SLIT3: variants seen among roughly 807,000 people sequenced by gnomAD.
The protein encoded by SLIT3 is slit homolog 3 protein.
A neutral mutation model predicts 184.0 loss-of-function variants in SLIT3; 68 were observed. The observed-to-expected ratio is 0.37, with a 90% CI of 0.30 to 0.45. SLIT3 has a LOEUF of 0.45. Among genes scored for constraint, SLIT3 ranks in the 20% least tolerant of loss-of-function variants. The pLI, the probability that SLIT3 is intolerant of heterozygous loss-of-function variation, is 1.00. For synonymous variants in SLIT3, 831 were observed against 828.6 expected (o/e 1.00, Z -0.05); for missense variants, 1,707 against 2,026.0 (o/e 0.84, Z 3.02).
chr5:169,254,081 G>T (rs920079940), intron 1 of SLIT3, among the ~76,000 whole-genome samples: 3 of 152,140 alleles, frequency 2.0e-5, no homozygotes, highest in Non-Finnish European at 4.4e-5. Context: ...GATACCTCTA[G>T]CCCCCAACTC....
At chr5:169,014,432 G>A (rs1262355555) in intron 4 of SLIT3, among the ~76,000 whole-genome samples, 1 of 152,180 alleles carries the variant, frequency 6.6e-6, no homozygotes, top group Non-Finnish European at 1.5e-5. Flanking sequence ...GGATGGTGAG[G>A]TGGAGAAGAG....
intron 4 of SLIT3, among the ~76,000 whole-genome samples, chr5:169,087,577 A>G (rs1452490017): frequency 6.6e-6 from 1 of 152,218 alleles, no homozygotes; most frequent in African/African-American, 2.4e-5. Context: ...TAGCTAAGGC[A>G]TGCTGCAGCC....
chr5:168,767,596 T>C (rs527312039), intron 14 of SLIT3, among the ~76,000 whole-genome samples: 1 of 152,312 alleles, frequency 6.6e-6, no homozygotes, highest in South Asian at 2.1e-4. Flanking sequence ...TCATAAAGTA[T>C]GGGAATGAGG....
intron 1 of SLIT3, among the ~76,000 whole-genome samples, chr5:169,277,764 G>T (rs960236542): frequency 6.6e-6 from 1 of 152,102 alleles, no homozygotes; most frequent in Non-Finnish European, 1.5e-5. Flanking sequence ...ATTCTTTTGG[G>T]TATATAATTA....
chr5:169,025,064 T>C (rs769185491), intron 4 of SLIT3: 1 of 152,186 alleles, frequency 6.6e-6, no homozygotes, highest in Non-Finnish European at 1.5e-5. Context: ...GGGCAAAGTA[T>C]AGGAAGACTC....
intron 3 of SLIT3, among the ~76,000 whole-genome samples, chr5:169,209,055 A>G (rs1409908123): frequency 6.6e-6 from 1 of 151,870 alleles, no homozygotes; most frequent in East Asian, 1.9e-4. Context: ...CAATCTATCC[A>G]TCTGACAAAG....
intron 4 of SLIT3, among the ~76,000 whole-genome samples, chr5:168,999,397 C>A (rs1399302446): frequency 6.6e-6 from 1 of 151,312 alleles, no homozygotes; most frequent in Non-Finnish European, 1.5e-5. Context: ...TAATAATTAC[C>A]CCCATCCCAT....
At chr5:168,734,041 G>C (rs977719579) in intron 20 of SLIT3, among the ~76,000 whole-genome samples, 1 of 152,146 alleles carries the variant, frequency 6.6e-6, no homozygotes, top group African/African-American at 2.4e-5. Context: ...CAAAAGGTAG[G>C]AGGGTGCTGA....
chr5:169,250,051 G>T (rs1765720510), intron 2 of SLIT3, among the ~76,000 whole-genome samples: 1 of 152,218 alleles, frequency 6.6e-6, no homozygotes, highest in Non-Finnish European at 1.5e-5. Flanking sequence ...TTTCTATAAT[G>T]TGAATACACA....
At chr5:169,125,940 A>G (rs1761062874) in intron 4 of SLIT3, among the ~76,000 whole-genome samples, 3 of 152,174 alleles carry the variant, frequency 2.0e-5, no homozygotes, top group Admixed American at 1.3e-4. Context: ...GCCTGGCTGT[A>G]GTAAGAGTAC....
chr5:168,747,696 A>C lies in SLIT3; in HGVS notation c.2270+606T>G, dbSNP rs568599575. Among the ~76,000 whole-genome samples the C allele has an allele frequency of 2.0e-5, 3 of 152,094 alleles. No homozygotes were observed. In the East Asian group the frequency reaches 5.8e-4, roughly 29 times the overall value. On this transcript the variant is annotated intron_variant, in intron 20 of 35. Coordinates refer to ENST00000519560, the MANE Select transcript of SLIT3 (RefSeq NM_003062.4). ...CTAACACCTTTTTCGTTGAGCTGGG[A>C]GTTTCTGGTGCAGAAACAGGACCTG...
intron 4 of SLIT3, among the ~76,000 whole-genome samples, chr5:168,946,971 TA>T (rs1161913350): frequency 6.6e-6 from 1 of 152,112 alleles, no homozygotes; most frequent in African/African-American, 2.4e-5. Flanking sequence ...ATTTCACAAT[TA>T]AATGGTGAAT....
At chr5:169,051,656 A>G (rs1447443765) in intron 4 of SLIT3, among the ~76,000 whole-genome samples, 1 of 152,236 alleles carries the variant, frequency 6.6e-6, no homozygotes. Flanking sequence ...CAGAGCAGCC[A>G]GCTTTTGTAT....
chr5:168,694,329 A>G (rs1761990923), intron 28 of SLIT3, among the ~76,000 whole-genome samples: 1 of 152,190 alleles, frequency 6.6e-6, no homozygotes, highest in African/African-American at 2.4e-5. Flanking sequence ...CTCTTCTGGC[A>G]CTAAGCTGAT....
chr5:169,202,807 C>A (rs1007259299), intron 3 of SLIT3, among the ~76,000 whole-genome samples: 1 of 151,750 alleles, frequency 6.6e-6, no homozygotes, highest in African/African-American at 2.4e-5. Flanking sequence ...CACCCCTGCC[C>A]GCAACACACA....
intron 4 of SLIT3, among the ~76,000 whole-genome samples, chr5:169,135,218 T>C (rs960595502): frequency 1.4e-4 from 21 of 152,188 alleles, no homozygotes; most frequent in African/African-American, 5.1e-4. Flanking sequence ...GCAATTCTCC[T>C]GTCTCAGCCT....
At chr5:169,097,828 T>G (rs956243079) in intron 4 of SLIT3, among the ~76,000 whole-genome samples, 1 of 152,172 alleles carries the variant, frequency 6.6e-6, no homozygotes, top group South Asian at 2.1e-4. Flanking sequence ...GTCCAAACCC[T>G]GCTCCCCAGG....
chr5:169,276,046 G>A (rs990439406), intron 1 of SLIT3, among the ~76,000 whole-genome samples: 20 of 152,090 alleles, frequency 1.3e-4, no homozygotes, highest in Non-Finnish European at 2.2e-4. Flanking sequence ...GGAGTGACGC[G>A]AAGTCTTGCC....
At chr5:168,687,141 C>T (rs770179617) in intron 29 of SLIT3, 25 bp from the exon 30 acceptor site, 27 of 1,608,092 alleles carry the variant, frequency 1.7e-5, no homozygotes, top group South Asian at 3.3e-5. Flanking sequence ...GAGGCAAGGC[C>T]GTTCCTCAAG....
Sources: allele counts gnomAD v4.1 joint callset (sites outside exome capture counted in the v4.1 genomes callset), GRCh38; gene constraint gnomAD v4.1.1; transcripts MANE v1.5; gene names NCBI Gene and HGNC (gene_info 2026-07-23, HGNC 2026-07-21).